The following KIAA1217 variants were observed in gnomAD, a reference collection of about 807,000 sequenced individuals.
The protein encoded by KIAA1217 is KIAA1217, also known as sickle tail protein homolog.
A neutral mutation model predicts 163.9 loss-of-function variants in KIAA1217; 88 were observed. The observed-to-expected ratio is 0.54, with a 90% CI of 0.45 to 0.64. The LOEUF (loss-of-function observed/expected upper bound fraction) is 0.64, where lower values mean the gene tolerates loss of function less well. KIAA1217 is among the 30% of genes least tolerant of loss of function. KIAA1217 has a pLI of 0.00. For missense variants in KIAA1217, 2,372 were observed against 2,475.0 expected (o/e 0.96, Z 0.88); for synonymous variants, 903 against 923.1 (o/e 0.98, Z 0.39).
intron 1 of KIAA1217, among the ~76,000 whole-genome samples, chr10:23,893,453 C>CA (rs555797508): frequency 0.01 from 1,535 of 152,070 alleles, 9 homozygotes; most frequent in Non-Finnish European, 0.015. Flanking sequence ...CTCCTGGATT[C>CA]TTTAATTTTT....
At chr10:24,361,992 A>G (rs1442762377) in intron 2 of KIAA1217, among the ~76,000 whole-genome samples, 1 of 151,590 alleles carries the variant, frequency 6.6e-6, no homozygotes, top group African/African-American at 2.4e-5. Flanking sequence ...CAAAAAAAAA[A>G]AAAAAAAAAA....
At chr10:23,820,003 T>A (rs1283910046) in intron 1 of KIAA1217, among the ~76,000 whole-genome samples, 1 of 152,206 alleles carries the variant, frequency 6.6e-6, no homozygotes, top group Non-Finnish European at 1.5e-5. Context: ...TAAAACTGAT[T>A]CTGGGCCCTA....
intron 3 of KIAA1217, among the ~76,000 whole-genome samples, chr10:24,427,347 G>T (rs2059258893): frequency 6.6e-6 from 1 of 152,164 alleles, no homozygotes; most frequent in African/African-American, 2.4e-5. Flanking sequence ...CAGCCTAAAA[G>T]TGTGAGGATA....
chr10:24,311,385 G>A (rs747377924), intron 2 of KIAA1217, among the ~76,000 whole-genome samples: 27 of 152,306 alleles, frequency 1.8e-4, no homozygotes, highest in Non-Finnish European at 3.2e-4. Context: ...TCTCTGAGCT[G>A]CACACATTGA....
At chr10:24,241,019 G>A (rs1262114509) in intron 2 of KIAA1217, among the ~76,000 whole-genome samples, 1 of 152,032 alleles carries the variant, frequency 6.6e-6, no homozygotes, top group African/African-American at 2.4e-5. Context: ...CTAATTTTTT[G>A]TATTTTTGGT....
At chr10:24,237,561 C>A (rs2072461810) in intron 2 of KIAA1217, among the ~76,000 whole-genome samples, 4 of 152,212 alleles carry the variant, frequency 2.6e-5, no homozygotes, top group African/African-American at 9.6e-5. Flanking sequence ...TAATTTATAA[C>A]CACTCTGACT....
chr10:23,895,149 A>T (rs1169653351), intron 1 of KIAA1217, among the ~76,000 whole-genome samples: 2 of 152,260 alleles, frequency 1.3e-5, no homozygotes, highest in South Asian at 2.1e-4. Context: ...ATGGGATCTC[A>T]TTAAACTAAA....
chr10:24,050,761 C>T (rs766585936), intron 2 of KIAA1217, among the ~76,000 whole-genome samples: 1 of 151,964 alleles, frequency 6.6e-6, no homozygotes, highest in Non-Finnish European at 1.5e-5. Context: ...AAGGAAAAAG[C>T]CAGAGTTAGT....
At chr10:24,032,282 T>G (rs1487468967) in intron 2 of KIAA1217, among the ~76,000 whole-genome samples, 25 of 152,188 alleles carry the variant, frequency 1.6e-4, no homozygotes, top group Admixed American at 1.6e-3. Context: ...GTTTTTGAGA[T>G]GGAGTCTCGT....
At chr10:23,764,116 AAAAC>A (rs1834397561) in intron 1 of KIAA1217, among the ~76,000 whole-genome samples, 3 of 152,080 alleles carry the variant, frequency 2.0e-5, no homozygotes, top group African/African-American at 7.2e-5. Context: ...TACAAGAAAA[AAAAC>A]AACCCCATCA....
chr10:23,945,180 A>G (rs1246493011), intron 1 of KIAA1217, among the ~76,000 whole-genome samples: 1 of 152,150 alleles, frequency 6.6e-6, no homozygotes, highest in East Asian at 1.9e-4. Flanking sequence ...ACACCTCTAC[A>G]AGAATGCTCA....
chr10:24,544,772 A>G (rs549537606), intron 19 of KIAA1217, among the ~76,000 whole-genome samples: 1 of 152,106 alleles, frequency 6.6e-6, no homozygotes, highest in East Asian at 1.9e-4. Flanking sequence ...TTGCTCTGAT[A>G]CTCACATTAA....
intron 2 of KIAA1217, among the ~76,000 whole-genome samples, chr10:24,072,276 C>T (rs1470269198): frequency 6.6e-6 from 1 of 152,052 alleles, no homozygotes; most frequent in Non-Finnish European, 1.5e-5. Context: ...AATGCTCCCA[C>T]CTCAGCCTCC....
intron 2 of KIAA1217, among the ~76,000 whole-genome samples, chr10:24,320,862 T>C (rs1405470127): frequency 1.3e-5 from 2 of 151,612 alleles, no homozygotes; most frequent in Admixed American, 6.6e-5. Flanking sequence ...GCTAACACAG[T>C]GAAACCCTGT....
At chr10:24,495,719 G>A (rs1228876811) in intron 8 of KIAA1217, among the ~76,000 whole-genome samples, 1 of 152,196 alleles carries the variant, frequency 6.6e-6, no homozygotes. Context: ...TGTACACTGG[G>A]GAAGGACATC....
At chr10:24,368,840 A>G (rs992280962) in intron 2 of KIAA1217, 2 of 984,402 alleles carry the variant, frequency 2.0e-6, no homozygotes, top group Non-Finnish European at 2.4e-6. Context: ...ACACCAGCTT[A>G]CTACCTAAGG....
chr10:24,171,150 C>T (rs904801975), intron 2 of KIAA1217, among the ~76,000 whole-genome samples: 1 of 152,166 alleles, frequency 6.6e-6, no homozygotes, highest in African/African-American at 2.4e-5. Flanking sequence ...TATCTTCAGC[C>T]AAATTAGGTA....
chr10:23,760,291 A>T (rs1159595499), intron 1 of KIAA1217, among the ~76,000 whole-genome samples: 1 of 152,190 alleles, frequency 6.6e-6, no homozygotes, highest in African/African-American at 2.4e-5. Context: ...GGCTGGGATG[A>T]CTGCTACAGT....
intron 3 of KIAA1217, among the ~76,000 whole-genome samples, chr10:24,421,422 T>C (rs1249409612): frequency 6.6e-6 from 1 of 152,272 alleles, no homozygotes; most frequent in African/African-American, 2.4e-5. Context: ...TATAATAGTG[T>C]ATCTGCAGAT....
Sources: allele counts gnomAD v4.1 joint callset (sites outside exome capture counted in the v4.1 genomes callset), GRCh38; gene constraint gnomAD v4.1.1; transcripts MANE v1.5; gene names NCBI Gene and HGNC (gene_info 2026-07-23, HGNC 2026-07-21).